Variants in FLRT1 observed in about 807,000 individuals in gnomAD.
The protein encoded by FLRT1 is leucine-rich repeat transmembrane protein FLRT1.
Under a neutral mutation model 30.9 loss-of-function variants are expected in FLRT1, and 14 were observed. The observed-to-expected ratio is 0.45, with a 90% CI of 0.30 to 0.71. The LOEUF is 0.71. FLRT1 is among the 30% of genes least tolerant of loss of function. The probability of loss-of-function intolerance (pLI) is 0.08; values close to 1 mark genes in which losing one functional copy is unlikely to be tolerated. For synonymous variants in FLRT1, 368 were observed against 430.4 expected (o/e 0.85, Z 1.80); for missense variants, 737 against 949.2 (o/e 0.78, Z 2.94).
intron 1 of FLRT1, among the ~76,000 whole-genome samples, chr11:64,097,196 G>A (rs1347376639): frequency 6.6e-5 from 10 of 152,240 alleles, no homozygotes; most frequent in African/African-American, 2.2e-4. Context: ...GCAGAACTGG[G>A]CCTCCAGACC....
chr11:64,108,695 C>A (rs116841289), intron 2 of FLRT1, among the ~76,000 whole-genome samples: 1 of 152,214 alleles, frequency 6.6e-6, no homozygotes, highest in African/African-American at 2.4e-5. Flanking sequence ...TGCTTCTGCC[C>A]GCAGTCTGCC....
intron 1 of FLRT1, among the ~76,000 whole-genome samples, chr11:64,039,966 C>T (rs927291622): frequency 1.3e-5 from 2 of 152,262 alleles, no homozygotes; most frequent in African/African-American, 4.8e-5. Context: ...GCTCCTCTGG[C>T]ACGCCTGGCT....
rs376275515 is a variant in FLRT1 at position 64,067,004 on chromosome 11, G to A, written c.-1038+30845G>A. On this transcript the variant is annotated intron_variant, in intron 1 of 2. Coordinates refer to ENST00000682287, the MANE Select transcript of FLRT1 (RefSeq NM_013280.5). This position sits in a 1 kb window ranked among gnomAD's most constrained non-coding sequence, Gnocchi z 4.6. ...TGGCATCCCAAGCCTCTGCCCTCAC[G>A]CTAGGCAGTCCCTGGGGAGATTGGA... 2.6e-5 allele frequency among the ~76,000 whole-genome samples: 4 copies of A among 152,206 alleles called. No homozygotes were observed. The highest frequency in any genetic ancestry group is 1.3e-4 in the Admixed American group (2 of 15,288).
At chr11:64,063,554 C>T (rs1452434537) in intron 1 of FLRT1, among the ~76,000 whole-genome samples, 2 of 152,206 alleles carry the variant, frequency 1.3e-5, no homozygotes, top group Non-Finnish European at 2.9e-5. Flanking sequence ...TGCCCAGCAG[C>T]CAGCAACCTT....
At chr11:64,039,624 C>A (rs772306282) in intron 1 of FLRT1, among the ~76,000 whole-genome samples, 5 of 152,214 alleles carry the variant, frequency 3.3e-5, no homozygotes, top group Non-Finnish European at 7.3e-5. Flanking sequence ...CCCCGGACAG[C>A]CTGCCTGGAG....
intron 1 of FLRT1, chr11:64,060,292 C>T (rs1198513789): frequency 6.6e-6 from 1 of 152,230 alleles, no homozygotes; most frequent in Admixed American, 6.5e-5. Context: ...AGGTCTTCCT[C>T]CGCCTGCAGG....
intron 1 of FLRT1, among the ~76,000 whole-genome samples, chr11:64,072,938 A>G (rs1477929780): frequency 1.3e-5 from 2 of 152,256 alleles, no homozygotes; most frequent in Middle Eastern, 3.4e-3. Flanking sequence ...ACCTTCCCCA[A>G]AGTGGAACCC....
At chr11:64,058,315 A>G (rs1350433510) in intron 1 of FLRT1, among the ~76,000 whole-genome samples, 1 of 152,222 alleles carries the variant, frequency 6.6e-6, no homozygotes, top group Admixed American at 6.5e-5. Context: ...CTTGGTGCCC[A>G]TCTCAGCCCC....
rs374016540 is a variant in FLRT1, at chr11:64,090,687, G to A, written c.-1037-12507G>A. Among the ~76,000 whole-genome samples the A allele has an allele frequency of 9.4e-4, 143 of 152,216 alleles. 1 individual carries two copies. The South Asian group carries it at 0.027, about 29-fold the overall frequency. On this transcript the variant is annotated intron_variant, in intron 1 of 2. Coordinates refer to ENST00000682287, the MANE Select transcript of FLRT1 (RefSeq NM_013280.5). The surrounding 1 kb of genome is among the most constrained non-coding windows in gnomAD (Gnocchi z 4.7). ...CACCAACAGACCACTTCTCTGAGGC[G>A]GGGACGTCCCAAGACTAAAATGGGG... is the stretch of plus-strand genomic sequence containing the variant.
chr11:64,094,389 C>G (rs1944540421), intron 1 of FLRT1, among the ~76,000 whole-genome samples: 1 of 151,436 alleles, frequency 6.6e-6, no homozygotes, highest in Non-Finnish European at 1.5e-5. Flanking sequence ...TGAGATCATG[C>G]CACTGCACTC....
At chr11:64,042,713 G>A (rs1393359226) in intron 1 of FLRT1, among the ~76,000 whole-genome samples, 1 of 152,188 alleles carries the variant, frequency 6.6e-6, no homozygotes, top group Admixed American at 6.5e-5. Context: ...TCACAGTGGG[G>A]TGCTTCATGC....
At chr11:64,049,283 G>C (rs920870450) in intron 1 of FLRT1, among the ~76,000 whole-genome samples, 1 of 152,168 alleles carries the variant, frequency 6.6e-6, no homozygotes, top group Non-Finnish European at 1.5e-5. Flanking sequence ...AAGCGAAAAA[G>C]GGACTGGCCC....
intron 1 of FLRT1, among the ~76,000 whole-genome samples, chr11:64,068,377 G>A (rs957893608): frequency 9.9e-5 from 15 of 152,210 alleles, no homozygotes; most frequent in African/African-American, 3.6e-4. Flanking sequence ...CCAGCTGCCC[G>A]CATGCCCTAG....
chr11:64,118,260 G>A lies in FLRT1; in HGVS notation c.1993G>A (p.Gly665Ser), dbSNP rs747737126. ...CACCACGCGGGGCTACCGGGACGGC[G>A]GCATCCCCGACATAGACTACTCCTA... Reference protein sequence around the residue: ...YGTTRGYRDGGIPDIDYSYT With the variant: ...YGTTRGYRDGSIPDIDYSYT Residue 665 changes from glycine to serine, a missense_variant, in exon 3 of 3, where the codon GGC becomes AGC. Coordinates refer to ENST00000682287, the MANE Select transcript of FLRT1 (RefSeq NM_013280.5). The A allele has an allele frequency of 1.2e-5, 19 of 1,595,636 alleles. No individual in the cohort carries two copies. The highest frequency in any genetic ancestry group is 2.2e-5 in the South Asian group (2 of 89,156).
intron 2 of FLRT1, among the ~76,000 whole-genome samples, chr11:64,110,846 C>G (rs1436644813): frequency 6.6e-6 from 1 of 152,166 alleles, no homozygotes; most frequent in Non-Finnish European, 1.5e-5. Context: ...GGCAAGCAGG[C>G]ACCCAGGCAA....
intron 1 of FLRT1, among the ~76,000 whole-genome samples, chr11:64,037,541 A>G (rs947940628): frequency 6.6e-6 from 1 of 152,036 alleles, no homozygotes; most frequent in African/African-American, 2.4e-5. Flanking sequence ...CTGGGAGGGG[A>G]CGCTGCCTAG....
chr11:64,116,893 G>GC lies in FLRT1; in HGVS notation c.627dup (p.Ile210HisfsTer23). 1.9e-6 allele frequency: 3 copies of GC among 1,611,340 alleles called. No individual in the cohort carries two copies. Among genetic ancestry groups the GC allele is most frequent in the Non-Finnish European group, 2.5e-6 (3 of 1,179,974 alleles). ...GAGGAGCTGCGGCTGGATGACAACC[G>GC]CATCTCCACCATCCCGCTGCATGCC... On this transcript the variant is annotated frameshift_variant, in exon 3 of 3. Transcript: ENST00000682287. LOFTEE classifies it high-confidence loss of function.
At chr11:64,052,152 G>T (rs1423535787) in intron 1 of FLRT1, among the ~76,000 whole-genome samples, 1 of 151,994 alleles carries the variant, frequency 6.6e-6, no homozygotes, top group East Asian at 1.9e-4. Context: ...GGGGCCAGAA[G>T]ATGGCTCCCA....
At chr11:64,053,117 A>G in intron 1 of FLRT1, among the ~76,000 whole-genome samples, 1 of 152,112 alleles carries the variant, frequency 6.6e-6, no homozygotes, top group Non-Finnish European at 1.5e-5. Flanking sequence ...GTGTGCAGGG[A>G]CCAAGAAGGT....
Sources: gnomAD v4.1 joint callset for allele counts (sites outside exome capture counted in the v4.1 genomes callset) on GRCh38, gnomAD v4.1.1 for gene constraint, Gnocchi (gnomAD v3.1) non-coding constraint, MANE v1.5 for transcripts, NCBI Gene and HGNC (gene_info 2026-07-23, HGNC 2026-07-21) for gene names.